GRIA1: variants seen among roughly 807,000 people sequenced by gnomAD.
The protein encoded by GRIA1 is glutamate ionotropic receptor AMPA type subunit 1, also known as glutamate receptor 1.
Under a neutral mutation model 99.2 loss-of-function variants are expected in GRIA1, and 31 were observed. The ratio of observed to expected loss-of-function variants is 0.31; its 90% CI spans 0.23 to 0.42. The LOEUF (loss-of-function observed/expected upper bound fraction) is 0.42. Among genes scored for constraint, GRIA1 ranks in the 10% least tolerant of loss-of-function variants. GRIA1 has a pLI of 1.00. For synonymous variants in GRIA1, 438 were observed against 432.4 expected, an observed-to-expected ratio of 1.01 and a Z score of -0.16; for missense variants, 782 against 1,157.5, an observed-to-expected ratio of 0.68 and a Z score of 4.71.
At chr5:153,722,758 A>ATGGGGTACGGGGTGTAT (rs1760169842) in intron 11 of GRIA1, among the ~76,000 whole-genome samples, 1 of 152,208 alleles carries the variant, frequency 6.6e-6, no homozygotes, top group Non-Finnish European at 1.5e-5. Context: ...GGATGATCCC[A>ATGGGGTACGGGGTGTAT]TGGGGTACGG....
At chr5:153,533,973 C>A (rs548025553) in intron 2 of GRIA1, among the ~76,000 whole-genome samples, 1 of 152,348 alleles carries the variant, frequency 6.6e-6, no homozygotes, top group East Asian at 1.9e-4. Context: ...TGAAATCTGT[C>A]AAACTCCAGA....
At chr5:153,504,538 C>G (rs17515709) in intron 2 of GRIA1, among the ~76,000 whole-genome samples, 38,343 of 151,746 alleles carry the variant, frequency 0.25, 6,000 homozygotes, top group Non-Finnish European at 0.36. Context: ...GACAAAAAGT[C>G]AACATGCTAA....
rs774329044 is a variant in GRIA1, at chr5:153,811,242, C to A, written c.*17C>A. On this transcript the variant is annotated 3_prime_UTR_variant, in exon 16 of 16. Transcript: ENST00000285900. ...GGATTGTAACTGGAGCAGATGGAGACCCCTTGGGGAGCAGGCTCGGGCTCC... is the reference window on the plus strand; with the variant it reads ...GGATTGTAACTGGAGCAGATGGAGAACCCTTGGGGAGCAGGCTCGGGCTCC... The A allele has an allele frequency of 1.2e-6, 2 of 1,601,986 alleles. No homozygotes were observed. Among genetic ancestry groups the A allele is most frequent in the Non-Finnish European group, 8.6e-7 (1 of 1,169,118 alleles).
At chr5:153,598,084 A>G (rs1480789791) in intron 2 of GRIA1, among the ~76,000 whole-genome samples, 3 of 152,076 alleles carry the variant, frequency 2.0e-5, no homozygotes, top group Admixed American at 1.3e-4. Context: ...ATATATAATG[A>G]CCATTGTATA....
intron 2 of GRIA1, among the ~76,000 whole-genome samples, chr5:153,541,853 A>G (rs1161732189): frequency 7.1e-6 from 1 of 141,326 alleles, no homozygotes; most frequent in Admixed American, 7.8e-5. Context: ...TCGCTTGAAC[A>G]TGGGAGGTGG....
intron 11 of GRIA1, among the ~76,000 whole-genome samples, chr5:153,716,782 T>C (rs1581526468): frequency 6.6e-6 from 1 of 152,060 alleles, no homozygotes; most frequent in South Asian, 2.1e-4. Context: ...GGGGAGAAAA[T>C]GAGGAAATAG....
intron 11 of GRIA1, among the ~76,000 whole-genome samples, chr5:153,714,031 C>T (rs13180912): frequency 0.1 from 15,894 of 152,068 alleles, 953 homozygotes; most frequent in Non-Finnish European, 0.12. Flanking sequence ...ATTCGATAGG[C>T]GAGGATTCTG....
intron 13 of GRIA1, 114 bp downstream of exon 13, chr5:153,770,529 C>A: frequency 2.0e-6 from 2 of 1,000,228 alleles, no homozygotes; most frequent in Non-Finnish European, 3.0e-6. Flanking sequence ...GTTGAGGGGG[C>A]TCTTCTTCAA....
chr5:153,629,240 T>C (rs574703083), intron 2 of GRIA1, among the ~76,000 whole-genome samples: 1 of 152,234 alleles, frequency 6.6e-6, no homozygotes, highest in Non-Finnish European at 1.5e-5. Flanking sequence ...CTCCCTGCTT[T>C]GGGTAAAGCT....
chr5:153,639,075 G>A (rs77518904), intron 2 of GRIA1, among the ~76,000 whole-genome samples: 5,909 of 152,252 alleles, frequency 0.039, 145 homozygotes, highest in Non-Finnish European at 0.056. Context: ...CATGTCTGTC[G>A]TGCCATTACA....
chr5:153,803,871 C>G (rs748556665), intron 15 of GRIA1, among the ~76,000 whole-genome samples: 6 of 152,144 alleles, frequency 3.9e-5, no homozygotes, highest in African/African-American at 9.7e-5. Flanking sequence ...TCCGGGGTCG[C>G]CCTTGGAGAA....
intron 2 of GRIA1, among the ~76,000 whole-genome samples, chr5:153,612,472 A>G (rs1766080023): frequency 6.6e-6 from 1 of 152,226 alleles, no homozygotes; most frequent in Non-Finnish European, 1.5e-5. Context: ...TTCCTCATGT[A>G]TACAAGGTGG....
At chr5:153,529,940 T>C (rs148039698) in intron 2 of GRIA1, among the ~76,000 whole-genome samples, 2 of 152,324 alleles carry the variant, frequency 1.3e-5, no homozygotes, top group African/African-American at 4.8e-5. Context: ...TGTTCCCTCA[T>C]TTTCGAAGCA....
chr5:153,562,234 A>T (rs892150271), intron 2 of GRIA1, among the ~76,000 whole-genome samples: 7 of 152,266 alleles, frequency 4.6e-5, no homozygotes, highest in African/African-American at 1.7e-4. Flanking sequence ...TCATGAGCAG[A>T]GCTATGCTCC....
chr5:153,713,874 CTG>C (rs754021818), intron 11 of GRIA1, among the ~76,000 whole-genome samples: 11 of 152,196 alleles, frequency 7.2e-5, no homozygotes, highest in Admixed American at 2.6e-4. Flanking sequence ...TCTTTAGCAA[CTG>C]TTATTTAACA....
chr5:153,585,291 C>G (rs941800927), intron 2 of GRIA1, among the ~76,000 whole-genome samples: 1 of 129,646 alleles, frequency 7.7e-6, no homozygotes, highest in African/African-American at 2.9e-5. Flanking sequence ...TCTTTTCTTT[C>G]TCTCTCTCTT....
chr5:153,545,943 G>C (rs1178841043), intron 2 of GRIA1, among the ~76,000 whole-genome samples: 1 of 152,166 alleles, frequency 6.6e-6, no homozygotes. Context: ...GTCCTCATCA[G>C]TGTCCTGAAA....
intron 8 of GRIA1, among the ~76,000 whole-genome samples, chr5:153,697,141 A>G (rs926772810): frequency 6.6e-6 from 1 of 152,192 alleles, no homozygotes; most frequent in African/African-American, 2.4e-5. Context: ...TCTCATGATC[A>G]TAAGCCCTGA....
intron 13 of GRIA1, among the ~76,000 whole-genome samples, chr5:153,775,913 A>C (rs1045278796): frequency 6.6e-6 from 1 of 152,110 alleles, no homozygotes; most frequent in African/African-American, 2.4e-5. Flanking sequence ...GAAAAAAAAA[A>C]ACATGGGGCT....
Sources: gnomAD v4.1 joint callset for allele counts (sites outside exome capture counted in the v4.1 genomes callset) on GRCh38, gnomAD v4.1.1 for gene constraint, MANE v1.5 for transcripts, NCBI Gene and HGNC (gene_info 2026-07-23, HGNC 2026-07-21) for gene names.